The following DCAF6 variants were observed in gnomAD, a reference collection of about 807,000 sequenced individuals.
The protein encoded by DCAF6 is DDB1- and CUL4-associated factor 6.
DCAF6 carries 54 observed loss-of-function variants against 125.1 expected under a neutral mutation model. That is an observed-to-expected ratio of 0.43 (90% CI 0.35 to 0.54). The LOEUF (loss-of-function observed/expected upper bound fraction) is 0.54. Among genes scored for constraint, DCAF6 ranks in the 20% least tolerant of loss-of-function variants. The probability of loss-of-function intolerance (pLI) is 0.01; values close to 1 mark genes in which losing one functional copy is unlikely to be tolerated. For missense variants in DCAF6, 934 were observed against 1,161.7 expected (o/e 0.80, Z 2.85); for synonymous variants, 371 against 390.4 (o/e 0.95, Z 0.58).
At chr1:167,874,678 A>G in the DCAF6 span, among the ~76,000 whole-genome samples, 3 of 152,212 alleles carry the variant, frequency 2.0e-5, no homozygotes, top group Non-Finnish European at 4.4e-5. Flanking sequence ...TGTTTATGGC[A>G]ATATTATTCA....
intron 4 of DCAF6, among the ~76,000 whole-genome samples, chr1:167,982,393 A>G: frequency 6.6e-6 from 1 of 151,838 alleles, no homozygotes; most frequent in Non-Finnish European, 1.5e-5. Context: ...AGGCGCATGC[A>G]ACCACGCCCA....
At chr1:167,887,357 T>A in the DCAF6 span, among the ~76,000 whole-genome samples, 1 of 152,234 alleles carries the variant, frequency 6.6e-6, no homozygotes, top group African/African-American at 2.4e-5. Context: ...AGTGGAATAT[T>A]ATGCACCCAT....
chr1:167,939,501 G>T (rs374288746), intron 1 of DCAF6, among the ~76,000 whole-genome samples: 1 of 152,056 alleles, frequency 6.6e-6, no homozygotes. Context: ...GGTGGCTTAC[G>T]CCTGGAATCC....
At chr1:167,950,038 C>G (rs537196157) in intron 1 of DCAF6, among the ~76,000 whole-genome samples, 198 of 152,302 alleles carry the variant, frequency 1.3e-3, no homozygotes, top group African/African-American at 4.5e-3. Flanking sequence ...TATACATGTT[C>G]TAATGTGCAA....
At chr1:168,046,804 A>G (rs1689199264) in intron 16 of DCAF6, among the ~76,000 whole-genome samples, 2 of 152,166 alleles carry the variant, frequency 1.3e-5, no homozygotes, top group African/African-American at 2.4e-5. Context: ...GCTAGATTCT[A>G]TAATTAAGCT....
the DCAF6 span, chr1:167,880,124 C>G: frequency 3.1e-6 from 5 of 1,612,262 alleles, no homozygotes; most frequent in Non-Finnish European, 4.2e-6. Flanking sequence ...CCTGTGTACT[C>G]GTGTCTCACA....
the DCAF6 span, among the ~76,000 whole-genome samples, chr1:167,880,775 C>T: frequency 6.6e-6 from 1 of 152,196 alleles, no homozygotes; most frequent in African/African-American, 2.4e-5. Context: ...AACACTTCTA[C>T]TGCATCATCA....
rs552020903 is a variant in DCAF6 at position 168,064,030 on chromosome 1, T to C, written c.2439+271T>C. On this transcript the variant is annotated intron_variant, in intron 18 of 21. Transcript: ENST00000367840. ...CATTGCTTTTGTTTTTTTTTTTTTTTCCCCCTCTCTTTCTCACATTTGCTG... is the reference window on the plus strand; with the variant it reads ...CATTGCTTTTGTTTTTTTTTTTTTTCCCCCCTCTCTTTCTCACATTTGCTG... 933 of 183,782 alleles carry C rather than the reference T, an allele frequency of 5.1e-3. 6 individuals are homozygous for C. The highest frequency in any genetic ancestry group is 0.02 in the Middle Eastern group (9 of 458). 11.4% of individuals were successfully genotyped at this position (183,782 alleles called of 1,614,324 possible).
intron 12 of DCAF6, among the ~76,000 whole-genome samples, chr1:168,036,478 C>T (rs1048795237): frequency 5.9e-5 from 9 of 152,178 alleles, no homozygotes; most frequent in African/African-American, 2.2e-4. Flanking sequence ...AATGAAAAAA[C>T]TAGCCCGAAC....
intron 12 of DCAF6, among the ~76,000 whole-genome samples, chr1:168,031,964 A>G (rs765829965): frequency 1.2e-4 from 19 of 152,170 alleles, no homozygotes; most frequent in Non-Finnish European, 2.1e-4. Flanking sequence ...TAAATTCTAA[A>G]TACTGGTAGG....
chr1:167,986,864 T>C (rs1179827643), intron 4 of DCAF6, among the ~76,000 whole-genome samples: 1 of 152,182 alleles, frequency 6.6e-6, no homozygotes, highest in East Asian at 1.9e-4. Context: ...AATATTGTCA[T>C]TGCTAAATTA....
At chr1:168,061,549 G>A (rs979565544) in intron 17 of DCAF6, among the ~76,000 whole-genome samples, 23 of 151,794 alleles carry the variant, frequency 1.5e-4, no homozygotes, top group African/African-American at 4.8e-4. Flanking sequence ...CTTTTTAATG[G>A]CTGCATAAGT....
At chr1:167,875,990 C>T in the DCAF6 span, among the ~76,000 whole-genome samples, 1 of 152,192 alleles carries the variant, frequency 6.6e-6, no homozygotes, top group African/African-American at 2.4e-5. Flanking sequence ...GGCACGGTGG[C>T]TCATGCTTGT....
intron 16 of DCAF6, among the ~76,000 whole-genome samples, chr1:168,048,011 A>T (rs1689357176): frequency 6.6e-6 from 1 of 152,154 alleles, no homozygotes; most frequent in Non-Finnish European, 1.5e-5. Flanking sequence ...TTCTCAATTT[A>T]GCTGACTTTT....
At chr1:168,053,691 G>T (rs952470259) in intron 17 of DCAF6, among the ~76,000 whole-genome samples, 2 of 152,146 alleles carry the variant, frequency 1.3e-5, no homozygotes, top group Admixed American at 1.3e-4. Flanking sequence ...AAAATCCAGG[G>T]TGTTTACTGG....
chr1:167,901,572 T>G, the DCAF6 span: 1 of 1,330,786 alleles, frequency 7.5e-7, no homozygotes, highest in Non-Finnish European at 1.1e-6. Flanking sequence ...GCCACCATGT[T>G]CTACTACTTC....
At chr1:168,024,606 G>C (rs1686090156) in intron 12 of DCAF6, among the ~76,000 whole-genome samples, 1 of 152,052 alleles carries the variant, frequency 6.6e-6, no homozygotes, top group South Asian at 2.1e-4. Flanking sequence ...AGAAGTTTGA[G>C]ACCAACCTGG....
chr1:168,033,407 C>T (rs1240083109), intron 12 of DCAF6, among the ~76,000 whole-genome samples: 1 of 151,526 alleles, frequency 6.6e-6, no homozygotes, highest in Admixed American at 6.6e-5. Context: ...GCTCCGCCTC[C>T]CGGGTTCACG....
intron 21 of DCAF6, among the ~76,000 whole-genome samples, 162 bp from the exon 22 acceptor site, chr1:168,075,206 CTAA>C (rs1180702922): frequency 2.6e-5 from 4 of 152,156 alleles, no homozygotes; most frequent in African/African-American, 9.7e-5. Context: ...ATAATCAAAG[CTAA>C]TAATACTGTG....
Sources: allele counts gnomAD v4.1 joint callset (sites outside exome capture counted in the v4.1 genomes callset), GRCh38; gene constraint gnomAD v4.1.1; transcripts MANE v1.5; gene names NCBI Gene and HGNC (gene_info 2026-07-23, HGNC 2026-07-21).